Variants in GRIP2 observed in about 807,000 individuals in gnomAD.
GRIP2 encodes the protein glutamate receptor interacting protein 2.
Under a neutral mutation model 108.3 loss-of-function variants are expected in GRIP2, and 58 were observed. The observed-to-expected ratio is 0.54, with a 90% CI of 0.43 to 0.67. The LOEUF (loss-of-function observed/expected upper bound fraction) is 0.67. Among genes scored for constraint, GRIP2 ranks in the 30% least tolerant of loss-of-function variants. The pLI is 0.00. For missense variants in GRIP2, 1,278 were observed against 1,430.6 expected, an observed-to-expected ratio of 0.89 and a Z score of 1.72; for synonymous variants, 586 against 598.2, an observed-to-expected ratio of 0.98 and a Z score of 0.30.
intron 10 of GRIP2, 83 bp downstream of exon 10, chr3:14,517,689 T>A: frequency 2.0e-6 from 3 of 1,529,084 alleles, no homozygotes; most frequent in Non-Finnish European, 2.7e-6. Flanking sequence ...AGTCTGAGTT[T>A]CCTTCCCTTA....
At chr3:14,580,345 C>T in the GRIP2 span, among the ~76,000 whole-genome samples, 2 of 152,204 alleles carry the variant, frequency 1.3e-5, no homozygotes, top group Non-Finnish European at 2.9e-5. Context: ...TTTAAATTGC[C>T]TCATGGTGTT....
chr3:14,533,559 A>G (rs1694761181), intron 1 of GRIP2, among the ~76,000 whole-genome samples: 1 of 152,080 alleles, frequency 6.6e-6, no homozygotes, highest in East Asian at 1.9e-4. Context: ...CAGACGGAGG[A>G]ACAACGGCAC....
the GRIP2 span, chr3:14,573,094 C>G: frequency 7.1e-7 from 1 of 1,408,216 alleles, no homozygotes; most frequent in African/African-American, 1.4e-5. Flanking sequence ...CTGATGAACC[C>G]CGAAATGTGG....
chr3:14,540,448 C>G (rs542863008), upstream of GRIP2: 1 of 1,563,070 alleles, frequency 6.4e-7, no homozygotes, highest in Non-Finnish European at 8.7e-7. The surrounding 1 kb of genome is among the most constrained non-coding windows in gnomAD (Gnocchi z 4.1). Context: ...CCCACTGCAG[C>G]GGGCGGCTCT....
chr3:14,534,031 C>T (rs933380490), intron 1 of GRIP2, among the ~76,000 whole-genome samples: 2 of 152,114 alleles, frequency 1.3e-5, no homozygotes, highest in African/African-American at 2.4e-5. Flanking sequence ...TCTTGATAGG[C>T]GAGTTGCCAG....
Position 14,489,234 on chromosome 3 carries a change from C to T in GRIP2, c.*4431G>A, listed in dbSNP as rs1273886629. The T allele has an allele frequency of 1.3e-5, 2 of 152,404 alleles. No individual in the cohort carries two copies. The highest frequency in any genetic ancestry group is 2.9e-5 in the Non-Finnish European group (2 of 67,982). 9.4% of individuals were successfully genotyped at this position (152,404 alleles called of 1,614,324 possible). ...CTGTATTTTGCAGGGGTTTTTTTCT[C>T]TTTTGCTTTTTAGATAAATATGTAT... On this transcript the variant is annotated 3_prime_UTR_variant, in exon 24 of 24. Coordinates refer to ENST00000621039, the MANE Select transcript of GRIP2 (RefSeq NM_001080423.4).
chr3:14,505,745 C>T lies in GRIP2; in HGVS notation c.2443G>A (p.Glu815Lys), dbSNP rs1307786314. The T allele has an allele frequency of 3.2e-6, 5 of 1,579,340 alleles. No homozygotes were observed. The Admixed American group carries it at 9.1e-5, about 29-fold the overall frequency. The change falls in exon 20 of 24, where the codon GAG becomes AAG. Residue 815 changes from glutamate (E) to lysine (K), a missense_variant. By Grantham distance (56) the Glu-to-Lys change is moderately conservative. Coordinates refer to ENST00000621039, the MANE Select transcript of GRIP2 (RefSeq NM_001080423.4). The surrounding 1 kb of genome is among the most constrained non-coding windows in gnomAD (Gnocchi z 4.2). ...QAAARGTTPQ[E>K]RRPGWLRGSP... ...CCCCTCAGCCAGCCAGGCCTCCGCT[C>T]CTGGGGGGTCGTGCCCCGGGCTGCT...
chr3:14,570,627 G>A, the GRIP2 span, among the ~76,000 whole-genome samples: 2 of 152,212 alleles, frequency 1.3e-5, no homozygotes, highest in African/African-American at 2.4e-5. Flanking sequence ...CCTGATCAGT[G>A]GCTTCTATTT....
At chr3:14,563,293 T>C in the GRIP2 span, among the ~76,000 whole-genome samples, 5 of 152,124 alleles carry the variant, frequency 3.3e-5, no homozygotes, top group Non-Finnish European at 7.4e-5. Context: ...AAAAGTTCTG[T>C]GGTTTGCCCT....
At chr3:14,549,173 T>C (rs980343840) in intron 1 of GRIP2, among the ~76,000 whole-genome samples, 1 of 152,258 alleles carries the variant, frequency 6.6e-6, no homozygotes, top group African/African-American at 2.4e-5. Flanking sequence ...ATGATGAATG[T>C]ACATAATCTC....
At chr3:14,574,974 T>C in the GRIP2 span, among the ~76,000 whole-genome samples, 5 of 152,080 alleles carry the variant, frequency 3.3e-5, no homozygotes, top group East Asian at 9.6e-4. Context: ...GCGATACACA[T>C]AAGGTGATAA....
At position 14,514,489 on chromosome 3, in the gene GRIP2, G is replaced by C. The variant is rs778483004; in HGVS notation, c.1307-11C>G. The C allele has an allele frequency of 1.3e-6, 2 of 1,542,360 alleles. No individual in the cohort carries two copies. The highest frequency in any genetic ancestry group is 1.2e-5 in the South Asian group (1 of 83,668). ...TGGAGGCTAGCGACACTGTAGGACA[G>C]GTGGGCCCAGCATTCAGGTGAGCCG... On this transcript the variant is annotated splice_polypyrimidine_tract_variant and intron_variant, in intron 11 of 23. Transcript: ENST00000621039.
chr3:14,562,331 A>G, the GRIP2 span, among the ~76,000 whole-genome samples: 1 of 152,218 alleles, frequency 6.6e-6, no homozygotes, highest in Non-Finnish European at 1.5e-5. Context: ...TTGTGAGGAC[A>G]CAGAAGCCAG....
intron 3 of GRIP2, 31 bp downstream of exon 3, chr3:14,525,406 C>G (rs762391021): frequency 1.1e-5 from 18 of 1,606,838 alleles, no homozygotes; most frequent in East Asian, 8.9e-5. Context: ...CTGCACCCCC[C>G]TCCTGCGGCC....
In GRIP2 at chr3:14,505,684, T is replaced by C. The variant is rs781747884; in HGVS notation, c.2504A>G (p.Tyr835Cys). 3.6e-5 allele frequency: 57 copies of C among 1,605,136 alleles called. No individual in the cohort carries two copies. The highest frequency in any genetic ancestry group is 5.4e-5 in the African/African-American group (4 of 74,714). Residue 835 changes from tyrosine to cysteine, a missense_variant, in exon 20 of 24, where the codon TAT becomes TGT. By Grantham distance (194) the Tyr-to-Cys change is radical (BLOSUM62 -2). Transcript: ENST00000621039. This position sits in a 1 kb window ranked among gnomAD's most constrained non-coding sequence, Gnocchi z 4.2. ...PPPTEPRRTS[Y>C]TPTPADESFP... ...GCTCTCGTCAGCTGGGGTTGGGGTA[T>C]AGCTCGTCCTCCGGGGCTCGGTGGG...
At chr3:14,573,989 C>T in the GRIP2 span, 10 of 1,150,578 alleles carry the variant, frequency 8.7e-6, no homozygotes, top group African/African-American at 4.6e-5. Context: ...ATATGCAAGG[C>T]GAAAACTTGG....
At position 14,493,175 on chromosome 3, in the gene GRIP2, C is replaced by T; in HGVS notation, c.*490G>A. Reference sequence around the variant, plus strand: ...AACCCCCAAGCGCGTGTGCACGCATCATGGGAATGCCTCATACCCCAATGC... The same window carrying T: ...AACCCCCAAGCGCGTGTGCACGCATTATGGGAATGCCTCATACCCCAATGC... On this transcript the variant is annotated 3_prime_UTR_variant, in exon 24 of 24. Coordinates refer to ENST00000621039, the MANE Select transcript of GRIP2 (RefSeq NM_001080423.4). 6.5e-6 allele frequency: 1 copy of T among 154,446 alleles called. No homozygotes were observed. 9.6% of individuals were successfully genotyped at this position (154,446 alleles called of 1,614,324 possible). A position where few individuals can be genotyped will look rare whatever the true frequency, so the allele number is the denominator to read the frequency against.
At chr3:14,584,425 G>A in the GRIP2 span, among the ~76,000 whole-genome samples, 3 of 152,164 alleles carry the variant, frequency 2.0e-5, no homozygotes, top group Non-Finnish European at 2.9e-5. Flanking sequence ...GACCCCCATC[G>A]CTGCCCCAGG....
intron 3 of GRIP2, among the ~76,000 whole-genome samples, 179 bp downstream of exon 3, chr3:14,525,258 C>T (rs546098935): frequency 1.3e-5 from 2 of 152,130 alleles, no homozygotes; most frequent in African/African-American, 4.8e-5. Context: ...GAAGCCAGGG[C>T]CTAGAATTAC....
Sources: allele counts gnomAD v4.1 joint callset (sites outside exome capture counted in the v4.1 genomes callset), GRCh38; gene constraint gnomAD v4.1.1; non-coding constraint Gnocchi (gnomAD v3.1); transcripts MANE v1.5; gene names NCBI Gene and HGNC (gene_info 2026-07-23, HGNC 2026-07-21).